The following COQ5 variants were observed in gnomAD, a reference collection of about 807,000 sequenced individuals.
COQ5 encodes coenzyme Q5, methyltransferase.
A neutral mutation model predicts 40.5 loss-of-function variants in COQ5; 27 were observed. The observed-to-expected ratio is 0.67, with a 90% confidence interval of 0.49 to 0.92. The LOEUF (loss-of-function observed/expected upper bound fraction) is 0.92. Among genes scored for constraint, COQ5 ranks in the 40% least tolerant of loss-of-function variants. The pLI is 0.00. For missense variants in COQ5, 409 were observed against 406.4 expected, an observed-to-expected ratio of 1.01 and a Z score of -0.06; for synonymous variants, 141 against 150.0, an observed-to-expected ratio of 0.94 and a Z score of 0.44.
At chr12:120,521,483 C>G (rs946171471) in intron 2 of COQ5, among the ~76,000 whole-genome samples, 33 of 150,528 alleles carry the variant, frequency 2.2e-4, no homozygotes, top group Admixed American at 4.0e-4. Context: ...CAAGACCAGC[C>G]AGGCCAAGAT....
chr12:120,525,869 G>A (rs1396976194), intron 1 of COQ5, among the ~76,000 whole-genome samples: 1 of 152,108 alleles, frequency 6.6e-6, no homozygotes. Context: ...AGCTTACAGT[G>A]AGCTGAGATC....
intron 2 of COQ5, among the ~76,000 whole-genome samples, chr12:120,521,207 C>T (rs945602513): frequency 6.6e-6 from 1 of 151,658 alleles, no homozygotes; most frequent in African/African-American, 2.4e-5. Flanking sequence ...GCTGGGATTA[C>T]AGGCACCAGC....
rs750163002 is a variant in COQ5, at chr12:120,522,210, T to C, written c.352+4A>G. The C allele has an allele frequency of 6.2e-7, 1 of 1,614,124 alleles. No individual in the cohort carries two copies. Among genetic ancestry groups the C allele is most frequent in the Admixed American group, 1.7e-5 (1 of 60,006 alleles). On this transcript the variant is annotated splice_donor_region_variant and intron_variant, in intron 2 of 6. Coordinates refer to ENST00000288532, the MANE Select transcript of COQ5 (RefSeq NM_032314.4). ...GTAGTGAAGGATACCAAACTCGACATTACCTGTGCCTCCAGCAACATCAAG... is the reference window on the plus strand; with the variant it reads ...GTAGTGAAGGATACCAAACTCGACACTACCTGTGCCTCCAGCAACATCAAG...
In COQ5 at chr12:120,529,149, G is replaced by C; in HGVS notation, c.-8C>G. On this transcript the variant is annotated 5_prime_UTR_variant, in exon 1 of 7. Coordinates refer to ENST00000288532, the MANE Select transcript of COQ5 (RefSeq NM_032314.4). ...GCTCCCGGGGGCCGCCATCTTGGTA[G>C]TCGAGTGACAACGGCCAGAGAGTAC... The C allele has an allele frequency of 2.5e-6, 4 of 1,610,982 alleles. No homozygotes were observed. Among genetic ancestry groups the C allele is most frequent in the Non-Finnish European group, 3.4e-6 (4 of 1,178,260 alleles).
chr12:120,503,700 C>T lies in COQ5; in HGVS notation c.*84G>A, dbSNP rs747262084. 1 of 953,324 alleles carries T rather than the reference C, an allele frequency of 1.0e-6. No individual in the cohort carries two copies. The allele number at this position is 953,324 out of a possible 1,614,324, so 59.1% of individuals were successfully genotyped here. A position where few individuals can be genotyped will look rare whatever the true frequency, so the allele number is the denominator to read the frequency against. Reference sequence around the variant, plus strand: ...CGTATCCTTAAGAGGAGATGCTCTGCTGCTGTCTCATTTGCCAGATTATCC... The same window carrying T: ...CGTATCCTTAAGAGGAGATGCTCTGTTGCTGTCTCATTTGCCAGATTATCC... On this transcript the variant is annotated 3_prime_UTR_variant, in exon 7 of 7. Transcript: ENST00000288532.
At chr12:120,522,924 G>T in intron 1 of COQ5, 1 of 685,668 alleles carries the variant, frequency 1.5e-6, no homozygotes, top group Non-Finnish European at 2.6e-6. Context: ...ACGTGCACTC[G>T]TGGCCCTGGC....
At chr12:120,505,337 C>G (rs1192763096) in intron 4 of COQ5, among the ~76,000 whole-genome samples, 1 of 152,030 alleles carries the variant, frequency 6.6e-6, no homozygotes, top group Non-Finnish European at 1.5e-5. Flanking sequence ...AATGCTTCTA[C>G]TGTGGGAATG....
intron 2 of COQ5, 104 bp from the exon 3 acceptor site, chr12:120,516,892 C>G: frequency 1.0e-6 from 1 of 960,596 alleles, no homozygotes; most frequent in South Asian, 1.3e-5. Flanking sequence ...CACAGGAGTA[C>G]CTGTGTTAGC....
intron 1 of COQ5, chr12:120,522,588 C>T: frequency 1.6e-6 from 1 of 641,742 alleles, no homozygotes; most frequent in South Asian, 1.8e-5. Flanking sequence ...CAGGAGGACC[C>T]CAGCCCCATG....
chr12:120,523,266 G>C (rs1175577274), intron 1 of COQ5: 3 of 200,100 alleles, frequency 1.5e-5, no homozygotes, highest in Non-Finnish European at 3.0e-5. Flanking sequence ...GAACCTGGGA[G>C]GTGGAGCTTG....
At chr12:120,514,380 A>T (rs1276735163) in intron 3 of COQ5, among the ~76,000 whole-genome samples, 2 of 152,072 alleles carry the variant, frequency 1.3e-5, no homozygotes, top group Non-Finnish European at 2.9e-5. Flanking sequence ...TCTTTGTTAT[A>T]TACCACTGCC....
In COQ5 at chr12:120,513,676, C is replaced by T. The variant is rs1053187003; in HGVS notation, c.574+2891G>A. ...CTGGGATTACAGGCGCGCACCACCA[C>T]GCCTGGCTAATTTTTGTATTTTTAG... On this transcript the variant is annotated intron_variant, in intron 3 of 6. Coordinates refer to ENST00000288532, the MANE Select transcript of COQ5 (RefSeq NM_032314.4). Among the ~76,000 whole-genome samples, 11 of 151,524 alleles carry T rather than the reference C, an allele frequency of 7.3e-5. No individual in the cohort carries two copies. The South Asian group carries it at 8.3e-4, about 11-fold the overall frequency.
rs774261471 is a variant in COQ5, at chr12:120,528,941, T to C, written c.201A>G (p.Lys67=). ...CATCCGCCCTCTCGCCCCTTTCACC[T>C]TTGCCCCCCTTCTCCTCTTCCGACA... ...ETVSEEEKGG[K]VYQVFESVAK... Residue 67 remains lysine, a splice_region_variant and synonymous_variant, in exon 1 of 7, where the codon AAA becomes AAG. Coordinates refer to ENST00000288532, the MANE Select transcript of COQ5 (RefSeq NM_032314.4). 6.2e-7 allele frequency: 1 copy of C among 1,614,006 alleles called. No homozygotes were observed. The highest frequency in any genetic ancestry group is 8.5e-7 in the Non-Finnish European group (1 of 1,179,916).
chr12:120,522,312 A>AT lies in COQ5; in HGVS notation c.253dup (p.Met85AsnfsTer28). The stretch of plus-strand genomic sequence containing the variant: ...AACACGATGGATACCAAGACTCATC[A>AT]TATCATTCATCACATCATACTTCTT... On this transcript the variant is annotated frameshift_variant, in exon 2 of 7. Coordinates refer to ENST00000288532, the MANE Select transcript of COQ5 (RefSeq NM_032314.4). LOFTEE classifies it high-confidence loss of function. 1.2e-6 allele frequency: 2 copies of AT among 1,613,792 alleles called. No individual in the cohort carries two copies. Among genetic ancestry groups the AT allele is most frequent in the Non-Finnish European group, 1.7e-6 (2 of 1,179,680 alleles).
intron 2 of COQ5, among the ~76,000 whole-genome samples, chr12:120,520,723 G>A (rs1469514187): frequency 6.6e-6 from 1 of 151,986 alleles, no homozygotes; most frequent in African/African-American, 2.4e-5. Flanking sequence ...CTCCCAAAGT[G>A]CTACGATTAT....
intron 1 of COQ5, among the ~76,000 whole-genome samples, chr12:120,528,579 G>A (rs2137097668): frequency 6.6e-6 from 1 of 152,260 alleles, no homozygotes; most frequent in African/African-American, 2.4e-5. Context: ...GGGAGGCCGA[G>A]GCAGGCGAAT....
chr12:120,518,830 G>C (rs1869512446), intron 2 of COQ5, among the ~76,000 whole-genome samples: 1 of 152,198 alleles, frequency 6.6e-6, no homozygotes, highest in Non-Finnish European at 1.5e-5. Flanking sequence ...CCCAAATGCT[G>C]GGATTACAGG....
At chr12:120,525,851 G>C (rs576503940) in intron 1 of COQ5, among the ~76,000 whole-genome samples, 4 of 152,100 alleles carry the variant, frequency 2.6e-5, no homozygotes, top group Admixed American at 6.6e-5. Context: ...CATGAACCTG[G>C]GAGGCGGAGC....
rs564557827 is a variant in COQ5 at position 120,516,792 on chromosome 12, T to C, written c.353-4A>G. ...AGGAACCGGAATGCAATGTCACCTG[T>C]GGGAAGCCAACATGAGGAAAGATGC... On this transcript the variant is annotated splice_region_variant and splice_polypyrimidine_tract_variant and intron_variant, in intron 2 of 6. Transcript: ENST00000288532. 1.2e-5 allele frequency: 19 copies of C among 1,612,722 alleles called. No individual in the cohort carries two copies. The highest frequency in any genetic ancestry group is 1.6e-5 in the Non-Finnish European group (19 of 1,178,792).
Sources: allele counts gnomAD v4.1 joint callset (sites outside exome capture counted in the v4.1 genomes callset), GRCh38; gene constraint gnomAD v4.1.1; transcripts MANE v1.5; gene names NCBI Gene and HGNC (gene_info 2026-07-23, HGNC 2026-07-21).